Variants in SORCS3 observed in about 807,000 individuals in gnomAD.
The protein encoded by SORCS3 is VPS10 domain-containing receptor SorCS3.
A neutral mutation model predicts 146.3 loss-of-function variants in SORCS3; 57 were observed. That is an observed-to-expected ratio of 0.39 (90% CI 0.31 to 0.49). The LOEUF (loss-of-function observed/expected upper bound fraction) is 0.49, where lower values mean the gene tolerates loss of function less well. Among genes scored for constraint, SORCS3 ranks in the 20% least tolerant of loss-of-function variants. The pLI, the probability that SORCS3 is intolerant of heterozygous loss-of-function variation, is 0.92. For synonymous variants in SORCS3, 653 were observed against 618.5 expected (o/e 1.06, Z -0.83); for missense variants, 1,341 against 1,575.5 (o/e 0.85, Z 2.52).
Position 104,977,730 on chromosome 10 carries a change from CTTT to C in SORCS3, c.954+255_954+257del, listed in dbSNP as rs796233007. On this transcript the variant is annotated intron_variant, in intron 4 of 26. Transcript: ENST00000369701. ...CAATGCTATTATTTCCTTTTCTTTTCTTTTTTTTTTTTTTTTTTTTGACACAGA... is the reference window on the plus strand; with the variant it reads ...CAATGCTATTATTTCCTTTTCTTTTCTTTTTTTTTTTTTTTTTGACACAGA... 3.4e-3 allele frequency among the ~76,000 whole-genome samples: 422 copies of C among 122,870 alleles called. 3 individuals are homozygous for C. The highest frequency in any genetic ancestry group is 0.012 in the African/African-American group (404 of 33,220). The allele number at this position is 122,870 out of a possible 152,430, so 80.6% of individuals were successfully genotyped here. A position where few individuals can be genotyped will look rare whatever the true frequency, so the allele number is the denominator to read the frequency against.
In SORCS3 at chr10:104,641,322, A is replaced by G. The variant is rs1369178494; in HGVS notation, c.-6A>G. ...CGGCAGCCCGAGCCGCGGTAGCCGC[A>G]GCGGGATGGAGGCGGCGCGCACGGA... On this transcript the variant is annotated 5_prime_UTR_variant, in exon 1 of 27. Transcript: ENST00000369701. The surrounding 1 kb of genome is among the most constrained non-coding windows in gnomAD (Gnocchi z 6.4). The G allele has an allele frequency of 3.0e-5, 39 of 1,301,388 alleles. No homozygotes were observed. Among genetic ancestry groups the G allele is most frequent in the Non-Finnish European group, 3.8e-5 (39 of 1,028,830 alleles). The allele number at this position is 1,301,388 out of a possible 1,614,324, so 80.6% of individuals were successfully genotyped here. A position where few individuals can be genotyped will look rare whatever the true frequency, so the allele number is the denominator to read the frequency against.
At chr10:105,161,163 A>G (rs910100766) in intron 11 of SORCS3, among the ~76,000 whole-genome samples, 1 of 152,130 alleles carries the variant, frequency 6.6e-6, no homozygotes, top group African/African-American at 2.4e-5. Flanking sequence ...GTAATTCTTG[A>G]GGCTTTTTGC....
At chr10:104,800,570 G>A (rs1025311657) in intron 1 of SORCS3, among the ~76,000 whole-genome samples, 1 of 152,144 alleles carries the variant, frequency 6.6e-6, no homozygotes, top group African/African-American at 2.4e-5. Context: ...GAGGGTGTGT[G>A]TGTGTTGGGG....
chr10:104,785,993 G>A (rs974107963), intron 1 of SORCS3, among the ~76,000 whole-genome samples: 6 of 152,182 alleles, frequency 3.9e-5, no homozygotes, highest in Non-Finnish European at 5.9e-5. Context: ...CTTGGAGGCT[G>A]TAATTGCTTT....
chr10:105,091,331 G>C (rs867641979), intron 6 of SORCS3, among the ~76,000 whole-genome samples: 174 of 20,242 alleles, frequency 8.6e-3, no homozygotes, highest in Admixed American at 0.012. Flanking sequence ...TTCCTTCCTT[G>C]CTTCCTTCCT....
chr10:105,060,769 C>T (rs1232619352), intron 5 of SORCS3, among the ~76,000 whole-genome samples: 1 of 152,038 alleles, frequency 6.6e-6, no homozygotes, highest in Non-Finnish European at 1.5e-5. Context: ...GAAACCCCGT[C>T]TCTATTAAAA....
chr10:105,011,306 TTC>T, intron 4 of SORCS3, among the ~76,000 whole-genome samples: 1 of 152,178 alleles, frequency 6.6e-6, no homozygotes, highest in East Asian at 1.9e-4. Context: ...GTCTATCACC[TTC>T]ACCAAAGATT....
intron 5 of SORCS3, among the ~76,000 whole-genome samples, chr10:105,086,355 A>G (rs2055660466): frequency 6.6e-6 from 1 of 152,226 alleles, no homozygotes; most frequent in Non-Finnish European, 1.5e-5. Context: ...GAGCAACTCA[A>G]GAGAACAACT....
At chr10:105,003,998 C>CTATTTTTTTTTTTTTT (rs35604992) in intron 4 of SORCS3, among the ~76,000 whole-genome samples, 7 of 136,030 alleles carry the variant, frequency 5.1e-5, no homozygotes, top group Non-Finnish European at 1.1e-4. Flanking sequence ...TCTCTTCTCT[C>CTATTTTTTTTTTTTTT]TCTTTTTTTT....
chr10:104,977,608 C>A, intron 4 of SORCS3, 115 bp downstream of exon 4: 2 of 970,012 alleles, frequency 2.1e-6, no homozygotes, highest in Non-Finnish European at 2.9e-6. Flanking sequence ...ATCATTCCAA[C>A]CCAAATCATT....
intron 5 of SORCS3, 25 bp downstream of exon 5, chr10:105,043,153 ACTT>A: frequency 6.3e-7 from 1 of 1,597,608 alleles, no homozygotes; most frequent in Non-Finnish European, 8.6e-7. Context: ...CACACTCATT[ACTT>A]CTTAGATAAA....
intron 7 of SORCS3, among the ~76,000 whole-genome samples, chr10:105,114,166 G>T (rs543741058): frequency 6.6e-6 from 1 of 152,224 alleles, no homozygotes; most frequent in Admixed American, 6.5e-5. Flanking sequence ...TGTATATTAT[G>T]TCTGCAGTGG....
At chr10:105,207,974 C>T (rs2056612974) in intron 16 of SORCS3, among the ~76,000 whole-genome samples, 1 of 152,076 alleles carries the variant, frequency 6.6e-6, no homozygotes, top group Non-Finnish European at 1.5e-5. Flanking sequence ...CCTAAGAAAA[C>T]AACTGGAGAA....
At chr10:104,804,123 T>C (rs1357326061) in intron 1 of SORCS3, among the ~76,000 whole-genome samples, 63 of 152,226 alleles carry the variant, frequency 4.1e-4, no homozygotes, top group Non-Finnish European at 1.5e-5. Flanking sequence ...CTTAGGGCTT[T>C]TCAATTTCCA....
chr10:105,018,305 A>C (rs925926500), intron 4 of SORCS3, among the ~76,000 whole-genome samples: 2 of 152,214 alleles, frequency 1.3e-5, no homozygotes, highest in East Asian at 3.9e-4. Context: ...TCCTTCCTCT[A>C]GCACAAAGTC....
chr10:105,024,677 A>G (rs955254995), intron 4 of SORCS3, among the ~76,000 whole-genome samples: 5 of 152,184 alleles, frequency 3.3e-5, no homozygotes, highest in African/African-American at 1.2e-4. Context: ...TACCCTGCAA[A>G]TAGTCACTGG....
intron 19 of SORCS3, among the ~76,000 whole-genome samples, chr10:105,218,084 C>T (rs2056676122): frequency 1.3e-5 from 2 of 152,174 alleles, no homozygotes; most frequent in Admixed American, 1.3e-4. Context: ...ACAACCTACA[C>T]CTTAAGAGGT....
rs550895295 is a variant in SORCS3 at position 104,735,637 on chromosome 10, G to T, written c.627+93683G>T. 3.3e-5 allele frequency among the ~76,000 whole-genome samples: 5 copies of T among 152,018 alleles called. No individual in the cohort carries two copies. In the South Asian group the frequency reaches 1.0e-3, roughly 32 times the overall value. On this transcript the variant is annotated intron_variant, in intron 1 of 26. Transcript: ENST00000369701. ...CCTGGCGAAAGCTTCAAGATCAGCA[G>T]TGATAGCGGAAATTAATGAAAGCGG...
At chr10:104,841,703 A>T (rs2018141590) in intron 1 of SORCS3, among the ~76,000 whole-genome samples, 1 of 152,176 alleles carries the variant, frequency 6.6e-6, no homozygotes, top group Admixed American at 6.5e-5. Flanking sequence ...AGAATGGGAA[A>T]GTCCCATCTC....
Sources: allele counts gnomAD v4.1 joint callset (sites outside exome capture counted in the v4.1 genomes callset), GRCh38; gene constraint gnomAD v4.1.1; non-coding constraint Gnocchi (gnomAD v3.1); transcripts MANE v1.5; gene names NCBI Gene and HGNC (gene_info 2026-07-23, HGNC 2026-07-21).